MYO15A: variants seen among roughly 807,000 people sequenced by gnomAD.
The protein encoded by MYO15A is unconventional myosin-XV.
MYO15A carries 308 observed loss-of-function variants against 394.6 expected under a neutral mutation model. That is an observed-to-expected ratio of 0.78 (90% CI 0.71 to 0.86). MYO15A has a LOEUF of 0.86. Among genes scored for constraint, MYO15A ranks in the 40% least tolerant of loss-of-function variants. The pLI is 0.00. For missense variants in MYO15A, 4,606 were observed against 4,799.1 expected (o/e 0.96, Z 1.19); for synonymous variants, 1,957 against 2,003.8 (o/e 0.98, Z 0.62).
chr17:18,158,808 G>T, intron 52 of MYO15A, 117 bp from the exon 53 acceptor site: 2 of 1,410,762 alleles, frequency 1.4e-6, no homozygotes, highest in Non-Finnish European at 2.0e-6. Flanking sequence ...CTTCGTGACC[G>T]GTAGACTGAT....
chr17:18,140,956 T>G, intron 21 of MYO15A, 63 bp from the exon 22 acceptor site: 1 of 1,612,290 alleles, frequency 6.2e-7, no homozygotes, highest in Non-Finnish European at 8.5e-7. Flanking sequence ...ATATTCACCA[T>G]GATAATGCCT....
At chr17:18,178,662 G>A in intron 65 of MYO15A, 107 bp from the exon 66 acceptor site, 1 of 1,094,766 alleles carries the variant, frequency 9.1e-7, no homozygotes, top group Non-Finnish European at 1.4e-6. Flanking sequence ...CTGCATGAAT[G>A]ATGGTCTCCA....
chr17:18,119,396 C>T lies in MYO15A; in HGVS notation c.596C>T (p.Ser199Leu). The T allele has an allele frequency of 6.2e-7, 1 of 1,611,452 alleles. No individual in the cohort carries two copies. The highest frequency in any genetic ancestry group is 2.2e-5 in the East Asian group (1 of 44,860). Reference protein sequence around the residue: ...RFPRSRSIYASGEPLGFLPFE... With the variant: ...RFPRSRSIYALGEPLGFLPFE... ...CCCCGCAGCCGCAGCATCTACGCGTCAGGCGAGCCCCTGGGCTTCCTGCCC... is the reference window on the plus strand; with the variant it reads ...CCCCGCAGCCGCAGCATCTACGCGTTAGGCGAGCCCCTGGGCTTCCTGCCC... The change falls in exon 2 of 66, where the codon TCA becomes TTA. Residue 199 changes from serine (S) to leucine (L), a missense_variant. Transcript: ENST00000647165.
At position 18,157,186 on chromosome 17, in the gene MYO15A, A is replaced by C. The variant is rs772732988; in HGVS notation, c.8744A>C (p.Lys2915Thr). The C allele has an allele frequency of 6.2e-7, 1 of 1,610,864 alleles. No homozygotes were observed. Among genetic ancestry groups the C allele is most frequent in the East Asian group, 2.2e-5 (1 of 44,744 alleles). ...GYSAGCVVRRKVVYLEELRRR... is the reference protein window; with the variant it reads ...GYSAGCVVRRTVVYLEELRRR... The stretch of plus-strand genomic sequence containing the variant: ...AGTGCTGGCTGCGTGGTTCGCAGGA[A>C]GGTGGTGTACCTGGAGGAGCTGCGA... The change falls in exon 50 of 66, where the codon AAG becomes ACG. Residue 2915 changes from lysine to threonine, a missense_variant. Around this residue, in one of 2 missense-constraint regions of MYO15A, gnomAD observed 2,776 missense variants for 3,109.3 expected, o/e 0.89. Transcript: ENST00000647165.
At position 18,153,887 on chromosome 17, in the gene MYO15A, G is replaced by C. The variant is rs1394482066; in HGVS notation, c.8079G>C (p.Leu2693=). ...GYQDAPWKIF[L]RKEVFYPKDS... ...AGGACGCCCCCTGGAAGATCTTCCT[G>C]CGCAAAGAGGTGCCGAGCACAGCCG... Residue 2693 remains leucine, a synonymous_variant, in exon 43 of 66, where the codon CTG becomes CTC. Transcript: ENST00000647165. The surrounding 1 kb of genome is among the most constrained non-coding windows in gnomAD (Gnocchi z 4.1). 6.2e-7 allele frequency: 1 copy of C among 1,613,588 alleles called. No homozygotes were observed.
Position 18,120,251 on chromosome 17 carries a change from A to G in MYO15A, c.1451A>G (p.Gln484Arg), listed in dbSNP as rs1257320114. Reference protein sequence around the residue: ...IRKFRLFPRPQVKLFGKEKLE... With the variant: ...IRKFRLFPRPRVKLFGKEKLE... The stretch of plus-strand genomic sequence containing the variant: ...AAGTTCCGCCTCTTCCCGCGACCCC[A>G]GGTGAAGCTGTTTGGGAAGGAGAAG... The change falls in exon 2 of 66, where the codon CAG becomes CGG. Residue 484 changes from glutamine (Q) to arginine (R), a missense_variant. By Grantham distance (43) the Gln-to-Arg change is conservative. Transcript: ENST00000647165. 3 of 1,612,000 alleles carry G rather than the reference A, an allele frequency of 1.9e-6. No individual in the cohort carries two copies. Among genetic ancestry groups the G allele is most frequent in the Non-Finnish European group, 8.5e-7 (1 of 1,179,544 alleles).
intron 15 of MYO15A, 62 bp downstream of exon 15, chr17:18,136,748 G>T (rs892163962): frequency 2.0e-6 from 3 of 1,530,458 alleles, no homozygotes; most frequent in East Asian, 2.4e-5. Context: ...TCCCTCAGGC[G>T]TCTCGGGCTG....
At chr17:18,160,967 C>CCTGG in intron 56 of MYO15A, 1 of 406,142 alleles carries the variant, frequency 2.5e-6, no homozygotes, top group Non-Finnish European at 4.7e-6. Flanking sequence ...CTGGGCCTTA[C>CCTGG]CTGGCATGAC....
At chr17:18,126,529 G>C in intron 5 of MYO15A, 73 bp downstream of exon 5, 1 of 1,405,286 alleles carries the variant, frequency 7.1e-7, no homozygotes, top group Non-Finnish European at 9.9e-7. Context: ...CCTGGATCCC[G>C]GCTGCACCTG....
Position 18,132,678 on chromosome 17 carries a change from A to C in MYO15A, c.4320+112A>C. 2.3e-6 allele frequency: 2 copies of C among 861,158 alleles called. No individual in the cohort carries two copies. Among genetic ancestry groups the C allele is most frequent in the Admixed American group, 3.9e-5 (2 of 50,938 alleles). The allele number at this position is 861,158 out of a possible 1,614,324, so 53.3% of individuals were successfully genotyped here. ...GTGATGGAGTGTGAAGGTGAAGGAG[A>C]TTTGGGGAGGGTGAGTTTGGATTTA... is the stretch of plus-strand genomic sequence containing the variant. On this transcript the variant is annotated intron_variant, in intron 11 of 65. Coordinates refer to ENST00000647165, the MANE Select transcript of MYO15A (RefSeq NM_016239.4). The surrounding 1 kb of genome is among the most constrained non-coding windows in gnomAD (Gnocchi z 4.6).
intron 1 of MYO15A, among the ~76,000 whole-genome samples, chr17:18,116,869 G>A (rs185885556): frequency 5.3e-5 from 8 of 151,844 alleles, no homozygotes; most frequent in Middle Eastern, 3.4e-3. Flanking sequence ...GCAGTGAGCC[G>A]AGATTGCACC....
intron 54 of MYO15A, 21 bp from the exon 55 acceptor site, chr17:18,159,585 T>G: frequency 6.2e-7 from 1 of 1,612,736 alleles, no homozygotes; most frequent in Non-Finnish European, 8.5e-7. Flanking sequence ...TGGGTCTGAG[T>G]GGGATAGGTC....
intron 5 of MYO15A, 24 bp from the exon 6 acceptor site, chr17:18,126,767 A>G (rs189308777): frequency 3.1e-6 from 5 of 1,613,574 alleles, no homozygotes; most frequent in East Asian, 2.2e-5. Context: ...GGCAGGGGCC[A>G]GCTCTAATGA....
At chr17:18,154,882 C>T in intron 45 of MYO15A, 127 bp downstream of exon 45, 1 of 1,146,968 alleles carries the variant, frequency 8.7e-7, no homozygotes, top group Non-Finnish European at 1.3e-6. Flanking sequence ...CCTCCTTGCT[C>T]TGCTTCTCTG....
rs115796006 is a variant in MYO15A at position 18,156,166 on chromosome 17, G to C, written c.8460-29G>C. 1.3e-3 allele frequency: 2,045 copies of C among 1,613,806 alleles called. 20 individuals carry two copies. In the African/African-American group the frequency reaches 0.024, roughly 19 times the overall value. On this transcript the variant is annotated intron_variant, in intron 47 of 65. Coordinates refer to ENST00000647165, the MANE Select transcript of MYO15A (RefSeq NM_016239.4). ...TGGAAGGAGGGCATCCCTCTGGCAG[G>C]GGAGTCATGCCACCGGCCCATCCTC...
chr17:18,141,236 C>T, intron 22 of MYO15A, 93 bp downstream of exon 22: 1 of 1,572,356 alleles, frequency 6.4e-7, no homozygotes, highest in Non-Finnish European at 8.7e-7. Flanking sequence ...ACAGGGCTTG[C>T]CATGCACAGT....
rs1266669425 is a variant in MYO15A at position 18,141,126 on chromosome 17, C to T, written c.5514C>T (p.Phe1838=). 1 of 1,613,834 alleles carries T rather than the reference C, an allele frequency of 6.2e-7. No homozygotes were observed. Among genetic ancestry groups the T allele is most frequent in the South Asian group, 1.1e-5 (1 of 91,086 alleles). ...AGGGATTTCCAGTGCGCCTGCCTTT[C>T]CAGGGGTTCATCGACAGGTATCTTG... ...RKEGFPVRLP[F]QGFIDRYCCL... Residue 1838 remains phenylalanine (F), a synonymous_variant, in exon 22 of 66, where the codon TTC becomes TTT. Transcript: ENST00000647165.
At chr17:18,177,762 A>C (rs1271269538) in intron 65 of MYO15A, 1 of 152,224 alleles carries the variant, frequency 6.6e-6, no homozygotes, top group African/African-American at 2.4e-5. Context: ...TGGGGATTAA[A>C]ACAGGTAGGA....
Position 18,133,401 on chromosome 17 carries a change from C to T in MYO15A, c.4482+15C>T, listed in dbSNP as rs771951469. ...AGAAGTATGAGGTGAGGGGACGCCA[C>T]AGCCTGCCATGGGGCCCGCACCCTC... On this transcript the variant is annotated intron_variant, in intron 12 of 65. Transcript: ENST00000647165. 2 of 1,613,670 alleles carry T rather than the reference C, an allele frequency of 1.2e-6. No homozygotes were observed. The highest frequency in any genetic ancestry group is 1.7e-6 in the Non-Finnish European group (2 of 1,179,792).
Sources: gnomAD v4.1 joint callset for allele counts (sites outside exome capture counted in the v4.1 genomes callset) on GRCh38, gnomAD v4.1.1 for gene constraint, gnomAD v4.1.1 regional missense constraint, Gnocchi (gnomAD v3.1) non-coding constraint, MANE v1.5 for transcripts, NCBI Gene and HGNC (gene_info 2026-07-23, HGNC 2026-07-21) for gene names.